SPIDR: variants seen among roughly 807,000 people sequenced by gnomAD.
SPIDR encodes DNA repair-scaffolding protein.
SPIDR carries 93 observed loss-of-function variants against 104.6 expected under a neutral mutation model. The ratio of observed to expected loss-of-function variants is 0.89; its 90% CI spans 0.75 to 1.06. SPIDR has a LOEUF of 1.06. Among genes scored for constraint, SPIDR ranks in the 50% least tolerant of loss-of-function variants. The pLI, the probability that SPIDR is intolerant of heterozygous loss-of-function variation, is 0.00. For missense variants in SPIDR, 1,154 were observed against 1,111.2 expected (o/e 1.04, Z -0.55); for synonymous variants, 431 against 416.9 (o/e 1.03, Z -0.41).
chr8:47,549,510 C>T (rs1489953707), intron 8 of SPIDR, among the ~76,000 whole-genome samples: 1 of 152,190 alleles, frequency 6.6e-6, no homozygotes, highest in Admixed American at 6.5e-5. Flanking sequence ...TTGCATTTCT[C>T]TGATGGCCAG....
intron 8 of SPIDR, among the ~76,000 whole-genome samples, chr8:47,538,674 A>C (rs1438293309): frequency 6.6e-6 from 1 of 152,136 alleles, no homozygotes; most frequent in Non-Finnish European, 1.5e-5. Context: ...TTTTGCCTCT[A>C]TAAATTTGAT....
intron 5 of SPIDR, among the ~76,000 whole-genome samples, chr8:47,350,459 G>A (rs181625513): frequency 3.1e-4 from 47 of 152,224 alleles, no homozygotes; most frequent in Non-Finnish European, 5.4e-4. Context: ...GATTACAGGC[G>A]TGTGCCACCA....
chr8:47,472,158 G>A (rs1049070286), intron 8 of SPIDR, among the ~76,000 whole-genome samples: 1 of 152,218 alleles, frequency 6.6e-6, no homozygotes, highest in Non-Finnish European at 1.5e-5. Flanking sequence ...ATGCTGCACA[G>A]GAAGGCTGCA....
At chr8:47,531,480 T>C (rs2085985795) in intron 8 of SPIDR, among the ~76,000 whole-genome samples, 1 of 152,346 alleles carries the variant, frequency 6.6e-6, no homozygotes, top group South Asian at 2.1e-4. Context: ...TTTATCATCA[T>C]AGATTTGCTT....
chr8:47,528,448 A>G (rs990707308), intron 8 of SPIDR, among the ~76,000 whole-genome samples: 3 of 151,570 alleles, frequency 2.0e-5, no homozygotes, highest in Non-Finnish European at 4.4e-5. Context: ...TTGAAGAAAC[A>G]GAGCAAGCAT....
intron 8 of SPIDR, among the ~76,000 whole-genome samples, chr8:47,522,755 T>C (rs1322694673): frequency 1.3e-5 from 2 of 152,366 alleles, no homozygotes; most frequent in Non-Finnish European, 2.9e-5. Context: ...TAGTTTTTAA[T>C]GCTAAAAGCA....
At chr8:47,655,786 A>C (rs947504932) in intron 10 of SPIDR, among the ~76,000 whole-genome samples, 3 of 152,162 alleles carry the variant, frequency 2.0e-5, no homozygotes, top group African/African-American at 7.2e-5. Flanking sequence ...TGTTTTAGAC[A>C]TGAAGTCCTT....
At chr8:47,668,010 T>G (rs2075226818) in intron 10 of SPIDR, 1 of 151,928 alleles carries the variant, frequency 6.6e-6, no homozygotes, top group Non-Finnish European at 1.5e-5. Flanking sequence ...AAGAAAAAAA[T>G]TAAAAAGTTC....
chr8:47,496,284 A>G (rs1236014847), intron 8 of SPIDR, among the ~76,000 whole-genome samples: 6 of 152,126 alleles, frequency 3.9e-5, no homozygotes, highest in Non-Finnish European at 8.8e-5. Context: ...TTAGGGGGAA[A>G]GTGTTCAGGG....
intron 8 of SPIDR, among the ~76,000 whole-genome samples, chr8:47,510,494 T>A (rs543856699): frequency 6.6e-6 from 1 of 152,130 alleles, no homozygotes; most frequent in Non-Finnish European, 1.5e-5. Context: ...AGAACTCTTC[T>A]CTCCCTCCCA....
chr8:47,424,061 T>C (rs1302576390), intron 7 of SPIDR, among the ~76,000 whole-genome samples: 1 of 152,116 alleles, frequency 6.6e-6, no homozygotes, highest in East Asian at 1.9e-4. Flanking sequence ...TATGGATGGG[T>C]ACAGCCTTGT....
chr8:47,586,063 TA>T (rs1329718440), intron 8 of SPIDR, among the ~76,000 whole-genome samples: 1 of 152,342 alleles, frequency 6.6e-6, no homozygotes, highest in South Asian at 2.1e-4. Context: ...TCTGTATCAA[TA>T]GTCTGTTTCT....
At position 47,277,025 on chromosome 8, in the gene SPIDR, T is replaced by G. The variant is rs1358406739; in HGVS notation, c.34-2837T>G. 9 of 151,434 alleles carry G rather than the reference T, an allele frequency of 5.9e-5. No individual in the cohort carries two copies. The East Asian group carries it at 1.4e-3, about 23-fold the overall frequency. 9.4% of individuals were successfully genotyped at this position (151,434 alleles called of 1,614,324 possible). A position where few individuals can be genotyped will look rare whatever the true frequency, so the allele number is the denominator to read the frequency against. ...CTCACCGCAACTGCCGCCTCCCAGG[T>G]TCAAGCGATTCTCCTGCCTCAGCCT... On this transcript the variant is annotated intron_variant, in intron 1 of 19. Transcript: ENST00000297423.
At chr8:47,729,572 T>C (rs2084876208) in intron 19 of SPIDR, 107 bp downstream of exon 19, 1 of 1,292,910 alleles carries the variant, frequency 7.7e-7, no homozygotes, top group African/African-American at 1.5e-5. Context: ...TTACAACCCA[T>C]CCCACTAGGA....
At chr8:47,283,942 A>C in intron 2 of SPIDR, 86 bp from the exon 3 acceptor site, 5 of 935,456 alleles carry the variant, frequency 5.3e-6, no homozygotes, top group Non-Finnish European at 8.3e-6. Context: ...TGTTAAGGAG[A>C]GTGTAGTTTA....
chr8:47,651,090 A>G (rs934175131), intron 10 of SPIDR, among the ~76,000 whole-genome samples: 3 of 152,208 alleles, frequency 2.0e-5, no homozygotes, highest in African/African-American at 4.8e-5. Flanking sequence ...CAAAGACAAA[A>G]ATAAATAAAT....
rs200456429 is a variant in SPIDR, at chr8:47,442,157, AT to A, written c.1097+1619del. Among the ~76,000 whole-genome samples the A allele has an allele frequency of 9.5e-4, 145 of 152,230 alleles. 2 individuals carry two copies. The East Asian group carries it at 0.025, about 26-fold the overall frequency. On this transcript the variant is annotated intron_variant, in intron 8 of 19. Coordinates refer to ENST00000297423, the MANE Select transcript of SPIDR (RefSeq NM_001080394.4). ...CTTTAAATATTTGCCTTAAACATTT[AT>A]TTTCAAGTATGCATTGTAAAAGTTA...
chr8:47,597,003 C>G (rs2154424174), intron 9 of SPIDR, among the ~76,000 whole-genome samples: 1 of 152,272 alleles, frequency 6.6e-6, no homozygotes, highest in South Asian at 2.1e-4. Context: ...GCTGTCATCT[C>G]CTTGGATAAC....
chr8:47,337,115 T>C (rs1554610080), intron 5 of SPIDR, among the ~76,000 whole-genome samples: 1 of 152,150 alleles, frequency 6.6e-6, no homozygotes, highest in Non-Finnish European at 1.5e-5. Context: ...GGCTTGTGTG[T>C]GTGTGTTTTG....
Sources: gnomAD v4.1 joint callset for allele counts (sites outside exome capture counted in the v4.1 genomes callset) on GRCh38, gnomAD v4.1.1 for gene constraint, MANE v1.5 for transcripts, NCBI Gene and HGNC (gene_info 2026-07-23, HGNC 2026-07-21) for gene names.